DSCAM: variants seen among roughly 807,000 people sequenced by gnomAD.
DSCAM encodes cell adhesion molecule DSCAM.
A neutral mutation model predicts 217.7 loss-of-function variants in DSCAM; 47 were observed. The observed-to-expected ratio is 0.22, with a 90% CI of 0.17 to 0.28. The LOEUF (loss-of-function observed/expected upper bound fraction) is 0.28, where lower values mean the gene tolerates loss of function less well. Among genes scored for constraint, DSCAM ranks in the 10% least tolerant of loss-of-function variants. The pLI, the probability that DSCAM is intolerant of heterozygous loss-of-function variation, is 1.00. For synonymous variants in DSCAM, 1,056 were observed against 1,015.3 expected (o/e 1.04, Z -0.76); for missense variants, 2,080 against 2,618.3 (o/e 0.79, Z 4.49).
chr21:40,104,248 A>T (rs1333825584), intron 20 of DSCAM, among the ~76,000 whole-genome samples: 1 of 152,228 alleles, frequency 6.6e-6, no homozygotes, highest in Non-Finnish European at 1.5e-5. Flanking sequence ...GTACAAAAAA[A>T]CTAATTTGTT....
At chr21:40,231,084 T>C (rs2091377727) in intron 11 of DSCAM, among the ~76,000 whole-genome samples, 2 of 151,800 alleles carry the variant, frequency 1.3e-5, no homozygotes, top group East Asian at 1.9e-4. Flanking sequence ...ATTTATTTCT[T>C]GCAGGTGAGA....
intron 10 of DSCAM, among the ~76,000 whole-genome samples, chr21:40,281,872 G>A (rs1169023041): frequency 1.3e-5 from 2 of 151,938 alleles, no homozygotes; most frequent in Non-Finnish European, 2.9e-5. Flanking sequence ...AAGCACTTTG[G>A]GTTATAAGGA....
chr21:40,431,591 T>C (rs2075532900), intron 3 of DSCAM, among the ~76,000 whole-genome samples: 1 of 152,248 alleles, frequency 6.6e-6, no homozygotes. Context: ...ATAGTAAGCA[T>C]ATTTTTTTAT....
intron 4 of DSCAM, among the ~76,000 whole-genome samples, chr21:40,360,649 C>A (rs2074752464): frequency 6.6e-6 from 1 of 152,092 alleles, no homozygotes; most frequent in South Asian, 2.1e-4. Flanking sequence ...AGATTTCATT[C>A]TTTTTTATGG....
At chr21:40,651,223 G>A (rs1025628379) in intron 3 of DSCAM, among the ~76,000 whole-genome samples, 1 of 152,184 alleles carries the variant, frequency 6.6e-6, no homozygotes, top group African/African-American at 2.4e-5. Context: ...CTAACACATG[G>A]ACGGCCTTGG....
intron 11 of DSCAM, among the ~76,000 whole-genome samples, chr21:40,192,866 T>C (rs961218412): frequency 6.6e-6 from 1 of 152,240 alleles, no homozygotes; most frequent in African/African-American, 2.4e-5. Context: ...CTATTATGAG[T>C]AATTATACTA....
At chr21:40,563,722 ATATG>A (rs1568907919) in intron 3 of DSCAM, among the ~76,000 whole-genome samples, 2 of 146,528 alleles carry the variant, frequency 1.4e-5, no homozygotes, top group African/African-American at 2.5e-5. Flanking sequence ...TTATGTTTAT[ATATG>A]TTTATATGTT....
chr21:40,488,173 T>C (rs2076045848), intron 3 of DSCAM, among the ~76,000 whole-genome samples: 1 of 152,232 alleles, frequency 6.6e-6, no homozygotes, highest in Non-Finnish European at 1.5e-5. Flanking sequence ...TATGAGTGTG[T>C]CGCCCTCTCT....
intron 21 of DSCAM, among the ~76,000 whole-genome samples, chr21:40,087,637 T>A (rs1326444416): frequency 6.6e-5 from 10 of 152,182 alleles, no homozygotes; most frequent in Non-Finnish European, 1.5e-4. Context: ...ACACAAAAAC[T>A]GCTCATTAAA....
intron 11 of DSCAM, among the ~76,000 whole-genome samples, chr21:40,194,588 T>C (rs1274406302): frequency 6.6e-6 from 1 of 152,236 alleles, no homozygotes; most frequent in East Asian, 1.9e-4. Context: ...AAATTACCCA[T>C]TGAGGAAGGT....
At chr21:40,131,507 C>A (rs1438062024) in intron 19 of DSCAM, among the ~76,000 whole-genome samples, 1 of 152,194 alleles carries the variant, frequency 6.6e-6, no homozygotes, top group African/African-American at 2.4e-5. Context: ...CTCACTGCAG[C>A]CTCTGCCACC....
At chr21:40,781,023 T>C (rs370181843) in intron 1 of DSCAM, among the ~76,000 whole-genome samples, 7 of 145,116 alleles carry the variant, frequency 4.8e-5, no homozygotes, top group Non-Finnish European at 9.1e-5. Context: ...TTTTTTTTTT[T>C]CTTGAGACGG....
intron 8 of DSCAM, among the ~76,000 whole-genome samples, chr21:40,319,414 G>C (rs4816681): frequency 0.42 from 63,580 of 151,588 alleles, 13,740 homozygotes; most frequent in South Asian, 0.56. Flanking sequence ...AAACAAGAAA[G>C]GCTAAATAAT....
intron 31 of DSCAM, among the ~76,000 whole-genome samples, 192 bp downstream of exon 31, chr21:40,043,886 T>C (rs1379242043): frequency 6.6e-6 from 1 of 152,224 alleles, no homozygotes; most frequent in Non-Finnish European, 1.5e-5. Context: ...TGTTTTGCCC[T>C]GTGTGGAGTA....
intron 2 of DSCAM, among the ~76,000 whole-genome samples, chr21:40,699,431 T>C (rs2090631235): frequency 6.6e-6 from 1 of 152,174 alleles, no homozygotes; most frequent in African/African-American, 2.4e-5. Context: ...TAAATCAAAA[T>C]CTAGAAATGA....
intron 9 of DSCAM, among the ~76,000 whole-genome samples, chr21:40,296,510 T>TG (rs2073955771): frequency 2.6e-5 from 4 of 152,096 alleles, no homozygotes; most frequent in Non-Finnish European, 5.9e-5. Flanking sequence ...ATTCCCTCAA[T>TG]GGAAAATTGA....
chr21:40,818,279 G>A (rs568943468), intron 1 of DSCAM, among the ~76,000 whole-genome samples: 4 of 151,604 alleles, frequency 2.6e-5, no homozygotes, highest in Admixed American at 2.0e-4. Flanking sequence ...GGGTGCAGTG[G>A]CTCACGCCTG....
At chr21:40,772,426 C>T (rs2123393437) in intron 1 of DSCAM, among the ~76,000 whole-genome samples, 1 of 152,334 alleles carries the variant, frequency 6.6e-6, no homozygotes, top group East Asian at 1.9e-4. Flanking sequence ...ATCTTGGCCT[C>T]CCAAAGTGCT....
In DSCAM at chr21:40,494,580, G is replaced by A. The variant is rs1351016445; in HGVS notation, c.509-125335C>T. Reference sequence around the variant, plus strand: ...ATTGAGACTAATGAAAACAGAGACAGTGTGCCAAAACTTATAGGATGTAGC... The same window carrying A: ...ATTGAGACTAATGAAAACAGAGACAATGTGCCAAAACTTATAGGATGTAGC... On this transcript the variant is annotated intron_variant, in intron 3 of 32. Coordinates refer to ENST00000400454, the MANE Select transcript of DSCAM (RefSeq NM_001389.5). 3.3e-5 allele frequency among the ~76,000 whole-genome samples: 5 copies of A among 152,158 alleles called. No homozygotes were observed. The East Asian group carries it at 5.8e-4, about 18-fold the overall frequency.
Sources: gnomAD v4.1 joint callset for allele counts (sites outside exome capture counted in the v4.1 genomes callset) on GRCh38, gnomAD v4.1.1 for gene constraint, MANE v1.5 for transcripts, NCBI Gene and HGNC (gene_info 2026-07-23, HGNC 2026-07-21) for gene names.